MLLT3: variants seen among roughly 807,000 people sequenced by gnomAD.
MLLT3 encodes the protein protein AF-9.
MLLT3 carries 4 observed loss-of-function variants against 53.2 expected under a neutral mutation model. The observed-to-expected ratio is 0.08, with a 90% CI of 0.04 to 0.17. MLLT3 has a LOEUF of 0.17. Among genes scored for constraint, MLLT3 ranks in the 10% least tolerant of loss-of-function variants. MLLT3 has a pLI of 1.00. For synonymous variants in MLLT3, 283 were observed against 230.6 expected (o/e 1.23, Z -2.06); for missense variants, 569 against 684.0 (o/e 0.83, Z 1.87).
intron 4 of MLLT3, among the ~76,000 whole-genome samples, chr9:20,417,934 G>C (rs1822913791): frequency 6.6e-6 from 1 of 152,176 alleles, no homozygotes; most frequent in Admixed American, 6.5e-5. Flanking sequence ...ACAACTCATA[G>C]CTGATTCTTG....
intron 2 of MLLT3, among the ~76,000 whole-genome samples, chr9:20,477,641 C>T (rs1316182301): frequency 6.6e-6 from 1 of 152,120 alleles, no homozygotes; most frequent in African/African-American, 2.4e-5. Flanking sequence ...GGAAGAGTCA[C>T]ACAACTTCTC....
chr9:20,565,340 C>T (rs1396353287), intron 2 of MLLT3, among the ~76,000 whole-genome samples: 1 of 152,036 alleles, frequency 6.6e-6, no homozygotes, highest in Admixed American at 6.6e-5. Flanking sequence ...ATGAGGAAAA[C>T]ACAGTGAGCT....
chr9:20,541,492 G>A (rs929323215), intron 2 of MLLT3, among the ~76,000 whole-genome samples: 2 of 152,216 alleles, frequency 1.3e-5, no homozygotes, highest in Non-Finnish European at 1.5e-5. Flanking sequence ...ATGGCAGAGA[G>A]AGAAGCAAGG....
At chr9:20,375,855 G>A (rs569251904) in intron 5 of MLLT3, among the ~76,000 whole-genome samples, 24 of 151,936 alleles carry the variant, frequency 1.6e-4, no homozygotes, top group East Asian at 1.2e-3. Flanking sequence ...TGATCCGCCC[G>A]CCTCAGCCTC....
chr9:20,611,661 A>C (rs887219743), intron 2 of MLLT3, among the ~76,000 whole-genome samples: 4 of 152,108 alleles, frequency 2.6e-5, no homozygotes, highest in African/African-American at 9.7e-5. Context: ...TAATAAAAAA[A>C]ATGGTGACTT....
intron 4 of MLLT3, among the ~76,000 whole-genome samples, chr9:20,446,424 T>C (rs1823702203): frequency 6.6e-6 from 1 of 152,216 alleles, no homozygotes; most frequent in African/African-American, 2.4e-5. Flanking sequence ...TGCTGCACTT[T>C]GCTGCATTAT....
At chr9:20,432,071 A>T (rs935965057) in intron 4 of MLLT3, among the ~76,000 whole-genome samples, 2 of 152,206 alleles carry the variant, frequency 1.3e-5, no homozygotes, top group African/African-American at 2.4e-5. Flanking sequence ...TTTTATTATA[A>T]GAAAAATTCA....
chr9:20,614,177 C>T (rs1364752014), intron 2 of MLLT3, among the ~76,000 whole-genome samples: 1 of 152,076 alleles, frequency 6.6e-6, no homozygotes, highest in African/African-American at 2.4e-5. Flanking sequence ...GGAGGATCAC[C>T]TGAGGTCAGG....
At chr9:20,523,360 A>C (rs1818116742) in intron 2 of MLLT3, among the ~76,000 whole-genome samples, 1 of 152,238 alleles carries the variant, frequency 6.6e-6, no homozygotes, top group African/African-American at 2.4e-5. Context: ...CAGCAAAGGA[A>C]CTTCTTGGTA....
intron 2 of MLLT3, among the ~76,000 whole-genome samples, chr9:20,586,465 TC>T (rs1819965951): frequency 6.6e-6 from 1 of 151,654 alleles, no homozygotes; most frequent in Non-Finnish European, 1.5e-5. Flanking sequence ...ATCACTGACT[TC>T]GTACATAACC....
chr9:20,384,796 A>T (rs1489779364), intron 5 of MLLT3, among the ~76,000 whole-genome samples: 2 of 152,078 alleles, frequency 1.3e-5, no homozygotes, highest in Non-Finnish European at 2.9e-5. Flanking sequence ...TTTGGCTAAA[A>T]CTGCAAAGTT....
At chr9:20,557,892 T>C (rs1046700789) in intron 2 of MLLT3, among the ~76,000 whole-genome samples, 2 of 152,186 alleles carry the variant, frequency 1.3e-5, no homozygotes, top group Admixed American at 6.5e-5. Context: ...CATTCATTCC[T>C]TATCTTGAAT....
intron 5 of MLLT3, among the ~76,000 whole-genome samples, chr9:20,378,537 G>A (rs907208260): frequency 1.3e-5 from 2 of 151,926 alleles, no homozygotes; most frequent in Non-Finnish European, 2.9e-5. Context: ...ATTTTGAAGT[G>A]CACATAGCTT....
At chr9:20,386,447 G>A (rs1321790158) in intron 5 of MLLT3, among the ~76,000 whole-genome samples, 2 of 152,162 alleles carry the variant, frequency 1.3e-5, no homozygotes, top group African/African-American at 2.4e-5. Flanking sequence ...CTTTTCCTTC[G>A]TGGCTGTAGC....
chr9:20,359,874 A>C (rs1446351924), intron 8 of MLLT3, among the ~76,000 whole-genome samples: 1 of 152,232 alleles, frequency 6.6e-6, no homozygotes, highest in South Asian at 2.1e-4. Flanking sequence ...AGAAAAACTT[A>C]TGGTAATGAG....
intron 2 of MLLT3, among the ~76,000 whole-genome samples, chr9:20,581,844 A>G (rs1167558634): frequency 1.3e-5 from 2 of 152,148 alleles, no homozygotes; most frequent in African/African-American, 2.4e-5. Context: ...CAACAACAGA[A>G]ATGCATTTAA....
chr9:20,596,623 G>A (rs1347448999), intron 2 of MLLT3, among the ~76,000 whole-genome samples: 2 of 152,180 alleles, frequency 1.3e-5, no homozygotes, highest in Admixed American at 6.5e-5. Context: ...CCCAGGAGCT[G>A]GAGGTTGCAA....
In MLLT3 at chr9:20,405,848, A is replaced by C. The variant is rs944609801; in HGVS notation, c.1125+7873T>G. 9.9e-5 allele frequency among the ~76,000 whole-genome samples: 15 copies of C among 152,254 alleles called. No homozygotes were observed. The East Asian group carries it at 2.9e-3, about 29-fold the overall frequency. On this transcript the variant is annotated intron_variant, in intron 5 of 10. Coordinates refer to ENST00000380338, the MANE Select transcript of MLLT3 (RefSeq NM_004529.4). The stretch of plus-strand genomic sequence containing the variant: ...GCCTTCTGGCCGGGTGTGGTGGCTC[A>C]TGTCTGTAATCCCAGCACGTTGGGA...
chr9:20,467,415 T>C (rs991238598), intron 2 of MLLT3, among the ~76,000 whole-genome samples: 2 of 152,046 alleles, frequency 1.3e-5, no homozygotes, highest in African/African-American at 2.4e-5. Flanking sequence ...CCGTCTCTAC[T>C]AAAAATACAA....
Sources: allele counts gnomAD v4.1 joint callset (sites outside exome capture counted in the v4.1 genomes callset), GRCh38; gene constraint gnomAD v4.1.1; transcripts MANE v1.5; gene names NCBI Gene and HGNC (gene_info 2026-07-23, HGNC 2026-07-21).